Variants in NUDCD3 observed in about 807,000 individuals in gnomAD.
NUDCD3 encodes NudC domain containing 3.
NUDCD3 carries 13 observed loss-of-function variants against 39.7 expected under a neutral mutation model. That is an observed-to-expected ratio of 0.33 (90% CI 0.21 to 0.52). NUDCD3 has a LOEUF of 0.52. Ranked by LOEUF, NUDCD3 falls within the 20% of genes least tolerant of loss-of-function variation. The pLI, the probability that NUDCD3 is intolerant of heterozygous loss-of-function variation, is 0.96. For synonymous variants in NUDCD3, 175 were observed against 172.4 expected (o/e 1.02, Z -0.12); for missense variants, 453 against 458.1 (o/e 0.99, Z 0.10).
At chr7:44,396,635 G>A (rs753477600) in intron 4 of NUDCD3, among the ~76,000 whole-genome samples, 2 of 152,020 alleles carry the variant, frequency 1.3e-5, no homozygotes, top group Non-Finnish European at 2.9e-5. Context: ...GAGCTGACAA[G>A]CTTCTTTATG....
intron 3 of NUDCD3, among the ~76,000 whole-genome samples, chr7:44,420,136 A>C (rs1328411287): frequency 6.6e-6 from 1 of 152,106 alleles, no homozygotes; most frequent in Non-Finnish European, 1.5e-5. Flanking sequence ...TAGAATAACC[A>C]GTTTAGAGAA....
Position 44,380,399 on chromosome 7 carries a change from C to A in NUDCD3, c.*5612G>T, listed in dbSNP as rs745935193. The A allele has an allele frequency of 1.3e-5, 2 of 152,280 alleles. No individual in the cohort carries two copies. Among genetic ancestry groups the A allele is most frequent in the Non-Finnish European group, 2.9e-5 (2 of 68,112 alleles). The allele number at this position is 152,280 out of a possible 1,614,324, so 9.4% of individuals were successfully genotyped here. ...CATGATGCCAAGCTTAGAAATGTCA[C>A]CCTGGAGTCACAAAATCCCTTCTTT... is the stretch of plus-strand genomic sequence containing the variant. On this transcript the variant is annotated 3_prime_UTR_variant, in exon 6 of 6. Coordinates refer to ENST00000355451, the MANE Select transcript of NUDCD3 (RefSeq NM_015332.4).
At chr7:44,458,472 C>G (rs568765224) in intron 2 of NUDCD3, among the ~76,000 whole-genome samples, 37 of 152,204 alleles carry the variant, frequency 2.4e-4, no homozygotes, top group Admixed American at 2.0e-3. Flanking sequence ...CTAGCCTGAC[C>G]AACATGGTGA....
intron 3 of NUDCD3, among the ~76,000 whole-genome samples, chr7:44,406,018 C>T (rs1464532157): frequency 1.3e-5 from 2 of 152,146 alleles, no homozygotes; most frequent in South Asian, 2.1e-4. Flanking sequence ...AGGCTGGTCT[C>T]GAACTCTTGG....
chr7:44,406,042 T>C lies in NUDCD3; in HGVS notation c.643-1459A>G, dbSNP rs1027620705. 3.9e-5 allele frequency among the ~76,000 whole-genome samples: 6 copies of C among 152,182 alleles called. 1 individual carries two copies. The South Asian group carries it at 1.0e-3, about 26-fold the overall frequency. On this transcript the variant is annotated intron_variant, in intron 3 of 5. Coordinates refer to ENST00000355451, the MANE Select transcript of NUDCD3 (RefSeq NM_015332.4). ...TCGAACTCTTGGCCCCAAGTGATCCTACTGCCTCAGCCTCCCAAAGTGCTG... is the reference window on the plus strand; with the variant it reads ...TCGAACTCTTGGCCCCAAGTGATCCCACTGCCTCAGCCTCCCAAAGTGCTG...
chr7:44,402,720 G>A, intron 4 of NUDCD3: 1 of 456,546 alleles, frequency 2.2e-6, no homozygotes. Flanking sequence ...TCACCCAACG[G>A]AAGGCAGGAG....
At chr7:44,395,260 GT>G (rs1798602243) in intron 4 of NUDCD3, among the ~76,000 whole-genome samples, 1 of 152,232 alleles carries the variant, frequency 6.6e-6, no homozygotes. Context: ...GCTGCCACAT[GT>G]GGCTAGCAGC....
chr7:44,397,372 G>A (rs573510234), intron 4 of NUDCD3, among the ~76,000 whole-genome samples: 17 of 152,300 alleles, frequency 1.1e-4, no homozygotes, highest in Middle Eastern at 6.8e-3. Flanking sequence ...CCAGGAATGC[G>A]TGTGTTGGGT....
intron 3 of NUDCD3, 130 bp downstream of exon 3, chr7:44,427,441 A>G: frequency 1.0e-6 from 1 of 981,796 alleles, no homozygotes; most frequent in South Asian, 1.6e-5. Flanking sequence ...TTCCGAGGGC[A>G]GGAGAAGGAA....
intron 2 of NUDCD3, among the ~76,000 whole-genome samples, chr7:44,456,136 C>G (rs183769547): frequency 1.5e-4 from 22 of 147,136 alleles, no homozygotes; most frequent in Admixed American, 1.2e-3. Flanking sequence ...AGAAAAAAAA[C>G]CTCAACACTA....
chr7:44,461,343 C>G (rs1800009237), intron 2 of NUDCD3, among the ~76,000 whole-genome samples: 1 of 152,218 alleles, frequency 6.6e-6, no homozygotes, highest in Non-Finnish European at 1.5e-5. Flanking sequence ...ATATGTCTGA[C>G]TGCTAGAACA....
chr7:44,460,083 A>C (rs1326126254), intron 2 of NUDCD3, among the ~76,000 whole-genome samples: 6 of 152,222 alleles, frequency 3.9e-5, no homozygotes, highest in Admixed American at 1.3e-4. Context: ...AATTTCTAAA[A>C]TCTAACATAA....
chr7:44,426,168 AG>A, intron 3 of NUDCD3: 1 of 985,394 alleles, frequency 1.0e-6, no homozygotes, highest in Non-Finnish European at 1.2e-6. Context: ...TGTAGTTTAA[AG>A]GGGGGTGACC....
chr7:44,465,970 C>G (rs190978760), intron 2 of NUDCD3, among the ~76,000 whole-genome samples: 2 of 152,098 alleles, frequency 1.3e-5, no homozygotes, highest in Non-Finnish European at 2.9e-5. Context: ...CCCAAAGATA[C>G]AAAGCTGACC....
At chr7:44,411,243 T>A (rs565247945) in intron 3 of NUDCD3, among the ~76,000 whole-genome samples, 8 of 151,106 alleles carry the variant, frequency 5.3e-5, no homozygotes, top group African/African-American at 1.9e-4. Context: ...GTTTTAGATA[T>A]AACACCACAA....
intron 1 of NUDCD3, 47 bp from the exon 2 acceptor site, chr7:44,485,331 G>A: frequency 1.4e-6 from 2 of 1,405,572 alleles, no homozygotes; most frequent in South Asian, 1.3e-5. Context: ...GCCCAATACT[G>A]TACCACATAT....
chr7:44,404,712 C>G (rs928524326), intron 3 of NUDCD3, 129 bp from the exon 4 acceptor site: 43 of 903,802 alleles, frequency 4.8e-5, no homozygotes, highest in Non-Finnish European at 6.4e-5. Context: ...GCTCACCAGG[C>G]ATCTCAGTGA....
intron 2 of NUDCD3, among the ~76,000 whole-genome samples, chr7:44,437,656 C>A (rs138055139): frequency 1.2e-3 from 176 of 152,170 alleles, no homozygotes; most frequent in African/African-American, 4.0e-3. Flanking sequence ...ATAAAAAATT[C>A]TTTTAAGAAG....
intron 3 of NUDCD3, among the ~76,000 whole-genome samples, chr7:44,415,328 C>T (rs1218020079): frequency 1.3e-5 from 2 of 152,114 alleles, no homozygotes; most frequent in Non-Finnish European, 2.9e-5. Flanking sequence ...TCTGTGGGTA[C>T]ACTGAAGAGA....
Sources: gnomAD v4.1 joint callset for allele counts (sites outside exome capture counted in the v4.1 genomes callset) on GRCh38, gnomAD v4.1.1 for gene constraint, MANE v1.5 for transcripts, NCBI Gene and HGNC (gene_info 2026-07-23, HGNC 2026-07-21) for gene names.